GARIN2: variants seen among roughly 807,000 people sequenced by gnomAD.
GARIN2 encodes Golgi-associated RAB2 interactor protein 2.
chr14:67,201,209 G>A, the GARIN2 span, among the ~76,000 whole-genome samples: 1 of 152,176 alleles, frequency 6.6e-6, no homozygotes, highest in Non-Finnish European at 1.5e-5. Flanking sequence ...AGGGAGGATT[G>A]CTTAAGCCCA....
At chr14:67,210,550 A>G in the GARIN2 span, among the ~76,000 whole-genome samples, 2 of 152,352 alleles carry the variant, frequency 1.3e-5, no homozygotes, top group South Asian at 2.1e-4. Context: ...GTCTGGGAAG[A>G]AACCACAGTT....
the GARIN2 span, chr14:67,204,918 A>G: frequency 1.2e-6 from 2 of 1,613,894 alleles, no homozygotes; most frequent in Non-Finnish European, 1.7e-6. Context: ...CAGATGTCAC[A>G]GATCTTCCAG....
the GARIN2 span, among the ~76,000 whole-genome samples, chr14:67,222,178 A>G: frequency 6.6e-6 from 1 of 152,174 alleles, no homozygotes; most frequent in Non-Finnish European, 1.5e-5. Context: ...GCTGATATAT[A>G]ACGGGAATGG....
the GARIN2 span, among the ~76,000 whole-genome samples, chr14:67,220,754 C>T: frequency 1.6e-4 from 24 of 152,226 alleles, 1 homozygote; most frequent in South Asian, 4.8e-3. Flanking sequence ...TTCTCAGTCT[C>T]GCTTAACCTT....
At chr14:67,213,623 T>A in the GARIN2 span, among the ~76,000 whole-genome samples, 2 of 152,076 alleles carry the variant, frequency 1.3e-5, no homozygotes, top group Admixed American at 6.6e-5. Context: ...CACAATAAAC[T>A]TACGTGTGCA....
the GARIN2 span, among the ~76,000 whole-genome samples, chr14:67,218,048 C>T: frequency 6.6e-6 from 1 of 151,954 alleles, no homozygotes; most frequent in Non-Finnish European, 1.5e-5. Context: ...TTAGTGTTTG[C>T]AAGTTTCTCA....
the GARIN2 span, among the ~76,000 whole-genome samples, chr14:67,196,223 C>CTTTCTTTTT: frequency 4.5e-3 from 648 of 143,104 alleles, 7 homozygotes; most frequent in African/African-American, 0.016. Context: ...TTCTTTCTTT[C>CTTTCTTTTT]TTTTTTTTTT....
At chr14:67,214,862 T>C in the GARIN2 span, among the ~76,000 whole-genome samples, 35,288 of 151,662 alleles carry the variant, frequency 0.23, 5,709 homozygotes, top group East Asian at 0.44. Context: ...TTTGTAGTTC[T>C]CCTTGAAGAG....
At chr14:67,225,615 C>CT in the GARIN2 span, among the ~76,000 whole-genome samples, 1,618 of 152,184 alleles carry the variant, frequency 0.011, 31 homozygotes, top group African/African-American at 0.036. Context: ...ATCAAGACCT[C>CT]TTTTTTTTCA....
chr14:67,222,443 C>T, the GARIN2 span, among the ~76,000 whole-genome samples: 5 of 152,094 alleles, frequency 3.3e-5, no homozygotes, highest in African/African-American at 1.2e-4. Flanking sequence ...AGGCGTTTGC[C>T]ACCACGCCTA....
chr14:67,205,604 G>A, the GARIN2 span, among the ~76,000 whole-genome samples: 2 of 152,210 alleles, frequency 1.3e-5, no homozygotes, highest in Non-Finnish European at 2.9e-5. Context: ...GAAAAGGCCA[G>A]AGAGTGGAAA....
chr14:67,200,820 A>G, the GARIN2 span, among the ~76,000 whole-genome samples: 21 of 152,112 alleles, frequency 1.4e-4, no homozygotes, highest in African/African-American at 4.8e-4. Context: ...CCTTTTGCAC[A>G]CTCTAATAAA....
the GARIN2 span, among the ~76,000 whole-genome samples, chr14:67,195,870 A>T: frequency 1.3e-5 from 2 of 151,976 alleles, no homozygotes; most frequent in Admixed American, 6.5e-5. Context: ...CAGCCTCCCA[A>T]GTGGGCCTAT....
At chr14:67,227,309 G>A in the GARIN2 span, among the ~76,000 whole-genome samples, 305 of 151,872 alleles carry the variant, frequency 2.0e-3, no homozygotes, top group Non-Finnish European at 3.4e-3. Flanking sequence ...GCATGGTGGC[G>A]CATGACTGTA....
At chr14:67,211,755 G>A in the GARIN2 span, among the ~76,000 whole-genome samples, 1 of 152,124 alleles carries the variant, frequency 6.6e-6, no homozygotes, top group African/African-American at 2.4e-5. Context: ...AAAAGTGGGA[G>A]GGTCACTTGA....
At chr14:67,204,578 C>A in the GARIN2 span, 1 of 1,613,440 alleles carries the variant, frequency 6.2e-7, no homozygotes, top group Non-Finnish European at 8.5e-7. Context: ...GTGCATGATG[C>A]GGAGAACATG....
At chr14:67,190,151 G>A in the GARIN2 span, among the ~76,000 whole-genome samples, 1 of 149,840 alleles carries the variant, frequency 6.7e-6, no homozygotes, top group Non-Finnish European at 1.5e-5. Flanking sequence ...CTGACCTCAG[G>A]TGATCTACCT....
the GARIN2 span, chr14:67,199,430 G>A: frequency 1.2e-6 from 2 of 1,613,260 alleles, no homozygotes; most frequent in East Asian, 2.2e-5. Context: ...CAGCGCCTTT[G>A]GGGTCATCTT....
At chr14:67,190,622 GC>G in the GARIN2 span, among the ~76,000 whole-genome samples, 1 of 152,256 alleles carries the variant, frequency 6.6e-6, no homozygotes, top group East Asian at 1.9e-4. Flanking sequence ...GGGGGAAACA[GC>G]CCTTTTTAAT....
Sources: allele counts gnomAD v4.1 joint callset (sites outside exome capture counted in the v4.1 genomes callset), GRCh38; gene constraint gnomAD v4.1.1; transcripts MANE v1.5; gene names NCBI Gene and HGNC (gene_info 2026-07-23, HGNC 2026-07-21).